Variants in DOK6 observed in about 807,000 individuals in gnomAD.
DOK6 encodes downstream of tyrosine kinase 6.
Under a neutral mutation model 44.0 loss-of-function variants are expected in DOK6, and 22 were observed. The observed-to-expected ratio is 0.50, with a 90% CI of 0.36 to 0.71. The LOEUF (loss-of-function observed/expected upper bound fraction) is 0.71. Among genes scored for constraint, DOK6 ranks in the 30% least tolerant of loss-of-function variants. DOK6 has a pLI of 0.00. For missense variants in DOK6, 340 were observed against 416.4 expected (o/e 0.82, Z 1.60); for synonymous variants, 166 against 145.5 (o/e 1.14, Z -1.01).
At chr18:69,667,918 C>G (rs190418757) in intron 3 of DOK6, among the ~76,000 whole-genome samples, 58 of 152,286 alleles carry the variant, frequency 3.8e-4, no homozygotes, top group Admixed American at 2.8e-3. Flanking sequence ...ATACCAAGCT[C>G]ATATAGTGAA....
intron 7 of DOK6, among the ~76,000 whole-genome samples, chr18:69,821,137 G>A (rs1266497471): frequency 6.6e-6 from 1 of 152,122 alleles, no homozygotes; most frequent in African/African-American, 2.4e-5. Flanking sequence ...ACCATGCTAT[G>A]AAAATTGTAT....
intron 1 of DOK6, among the ~76,000 whole-genome samples, chr18:69,505,649 C>G (rs1981165036): frequency 6.6e-6 from 1 of 151,806 alleles, no homozygotes; most frequent in African/African-American, 2.4e-5. Flanking sequence ...AGGCGCCCAC[C>G]ACCACGCCAA....
chr18:69,472,204 T>G (rs1980132448), intron 1 of DOK6, among the ~76,000 whole-genome samples: 1 of 152,194 alleles, frequency 6.6e-6, no homozygotes, highest in African/African-American at 2.4e-5. Flanking sequence ...CTGTTTCACT[T>G]GAAGTTAAAG....
intron 5 of DOK6, among the ~76,000 whole-genome samples, chr18:69,735,979 A>G (rs1201555340): frequency 3.9e-5 from 6 of 152,158 alleles, no homozygotes; most frequent in Admixed American, 3.9e-4. Context: ...CTTGTTGCCA[A>G]TTTTATAGGT....
intron 3 of DOK6, among the ~76,000 whole-genome samples, chr18:69,604,356 T>A (rs1019237158): frequency 6.6e-6 from 1 of 152,328 alleles, no homozygotes; most frequent in East Asian, 1.9e-4. Flanking sequence ...GGTTTTATGG[T>A]TCGTGTAAGA....
intron 1 of DOK6, among the ~76,000 whole-genome samples, chr18:69,562,781 A>T (rs1982869117): frequency 6.6e-6 from 1 of 152,216 alleles, no homozygotes; most frequent in Non-Finnish European, 1.5e-5. Context: ...AATGGCAACA[A>T]AAGCCAAAAT....
chr18:69,757,199 G>C (rs1400902172), intron 6 of DOK6, among the ~76,000 whole-genome samples: 4 of 152,116 alleles, frequency 2.6e-5, no homozygotes, highest in African/African-American at 7.2e-5. Context: ...TCTATAACAG[G>C]GGCAAGGAAA....
chr18:69,709,105 T>G (rs1208128560), intron 5 of DOK6, among the ~76,000 whole-genome samples: 1 of 152,126 alleles, frequency 6.6e-6, no homozygotes, highest in African/African-American at 2.4e-5. Flanking sequence ...TTTAGAACAT[T>G]TCGTGAAATC....
At chr18:69,464,423 A>G (rs941460241) in intron 1 of DOK6, among the ~76,000 whole-genome samples, 3 of 152,206 alleles carry the variant, frequency 2.0e-5, no homozygotes, top group East Asian at 1.9e-4. Context: ...TGTTCTTTGT[A>G]TCTTCAGCTT....
intron 6 of DOK6, among the ~76,000 whole-genome samples, chr18:69,751,733 A>C (rs574884781): frequency 1.8e-4 from 28 of 152,292 alleles, no homozygotes; most frequent in Admixed American, 1.4e-3. Flanking sequence ...GGCCGGGTGC[A>C]GTGGCTCACA....
rs373834738 is a variant in DOK6 at position 69,841,949 on chromosome 18, C to CGTGTGTGTGTGTGCGTGT, written c.*580_*597dup. The CGTGTGTGTGTGTGCGTGT allele has an allele frequency of 8.7e-6, 1 of 114,302 alleles. No individual in the cohort carries two copies. Among genetic ancestry groups the CGTGTGTGTGTGTGCGTGT allele is most frequent in the African/African-American group, 3.1e-5 (1 of 32,716 alleles). The allele number at this position is 114,302 out of a possible 1,614,324, so 7.1% of individuals were successfully genotyped here. A position where few individuals can be genotyped will look rare whatever the true frequency, so the allele number is the denominator to read the frequency against. ...TTAAGCAGGGCCCTGTAGCTCTACT[C>CGTGTGTGTGTGTGCGTGT]GTGTGTGTGTGTGCGTGTGTGTGTG... On this transcript the variant is annotated 3_prime_UTR_variant, in exon 8 of 8. Transcript: ENST00000382713.
chr18:69,786,902 A>G (rs1033336164), intron 7 of DOK6, among the ~76,000 whole-genome samples: 2 of 152,224 alleles, frequency 1.3e-5, no homozygotes, highest in Non-Finnish European at 2.9e-5. Context: ...ACCTAATTCA[A>G]AAATGCACAG....
intron 1 of DOK6, among the ~76,000 whole-genome samples, chr18:69,448,911 A>T (rs1771035179): frequency 1.3e-5 from 2 of 152,248 alleles, no homozygotes; most frequent in Admixed American, 6.5e-5. Flanking sequence ...ATTTTTCAAA[A>T]GTAGAATATA....
chr18:69,798,474 C>T (rs1980811591), intron 7 of DOK6, among the ~76,000 whole-genome samples: 1 of 152,002 alleles, frequency 6.6e-6, no homozygotes, highest in African/African-American at 2.4e-5. Context: ...AATGGTTAAA[C>T]TCTTGTATGT....
intron 5 of DOK6, among the ~76,000 whole-genome samples, chr18:69,735,721 C>T (rs1324763237): frequency 1.3e-5 from 2 of 152,204 alleles, no homozygotes; most frequent in Non-Finnish European, 2.9e-5. Flanking sequence ...CTAGGCTGTC[C>T]CTTGTTGGGA....
intron 7 of DOK6, among the ~76,000 whole-genome samples, chr18:69,758,946 C>A (rs1357571650): frequency 2.0e-5 from 3 of 152,110 alleles, no homozygotes; most frequent in African/African-American, 7.2e-5. Flanking sequence ...CCAAACTAGA[C>A]TAATGGAGTT....
intron 4 of DOK6, among the ~76,000 whole-genome samples, chr18:69,693,022 C>T (rs1986301931): frequency 6.6e-6 from 1 of 152,110 alleles, no homozygotes; most frequent in Non-Finnish European, 1.5e-5. Context: ...TCAAGAATGC[C>T]TTTCCTTTTG....
chr18:69,518,965 A>T (rs1417207806), intron 1 of DOK6, among the ~76,000 whole-genome samples: 1 of 152,104 alleles, frequency 6.6e-6, no homozygotes, highest in Non-Finnish European at 1.5e-5. Context: ...CATCTTCCTT[A>T]GTCACTCTGT....
chr18:69,594,589 CAA>C lies in DOK6; in HGVS notation c.175-4782_175-4781del, dbSNP rs10629064. Among the ~76,000 whole-genome samples the C allele has an allele frequency of 1.4e-3, 185 of 129,126 alleles. 1 individual carries two copies. Among genetic ancestry groups the C allele is most frequent in the Middle Eastern group, 4.3e-3 (1 of 230 alleles). 84.7% of individuals were successfully genotyped at this position (129,126 alleles called of 152,430 possible). ...AGAAGTCCTAGCCAGAGCAAACAGG[CAA>C]AAAAAAAAAAAAGAAAGAAGAAATA... On this transcript the variant is annotated intron_variant, in intron 2 of 7. Coordinates refer to ENST00000382713, the MANE Select transcript of DOK6 (RefSeq NM_152721.6).
Sources: allele counts gnomAD v4.1 joint callset (sites outside exome capture counted in the v4.1 genomes callset), GRCh38; gene constraint gnomAD v4.1.1; transcripts MANE v1.5; gene names NCBI Gene and HGNC (gene_info 2026-07-23, HGNC 2026-07-21).